Variants in TBC1D2 observed in about 807,000 individuals in gnomAD.
TBC1D2 encodes TBC1 domain family member 2.
In TBC1D2, 58 loss-of-function variants were observed where a neutral mutation model predicts 91.1. The ratio of observed to expected loss-of-function variants is 0.64; its 90% CI spans 0.52 to 0.79. The LOEUF is 0.79. Among genes scored for constraint, TBC1D2 ranks in the 30% least tolerant of loss-of-function variants. The pLI, the probability that TBC1D2 is intolerant of heterozygous loss-of-function variation, is 0.00. For missense variants in TBC1D2, 1,080 were observed against 1,208.3 expected (o/e 0.89, Z 1.57); for synonymous variants, 482 against 511.5 (o/e 0.94, Z 0.78).
In TBC1D2 at chr9:98,199,506, G is replaced by C. The variant is rs754889673; in HGVS notation, c.2662C>G (p.Arg888Gly). The C allele has an allele frequency of 6.2e-7, 1 of 1,614,156 alleles. No homozygotes were observed. Among genetic ancestry groups the C allele is most frequent in the South Asian group, 1.1e-5 (1 of 91,074 alleles). Reference sequence around the variant, plus strand: ...AGCTCCCGCAGCTCAGCCTCCAGCCGCTCCCGGTGGACCATGCGCAGCTGC... The same window carrying C: ...AGCTCCCGCAGCTCAGCCTCCAGCCCCTCCCGGTGGACCATGCGCAGCTGC... ...LRQLRMVHRE[R>G]LEAELRELEQ... is the part of the protein sequence containing the mutation. Residue 888 changes from arginine (R) to glycine (G), a missense_variant, in exon 13 of 13, where the codon CGG becomes GGG. Physicochemically the swap from Arg to Gly is moderately radical, Grantham distance 125. Coordinates refer to ENST00000465784, the MANE Select transcript of TBC1D2 (RefSeq NM_001267571.2).
At chr9:98,219,191 T>A (rs1014004636) in intron 6 of TBC1D2, among the ~76,000 whole-genome samples, 21 of 152,218 alleles carry the variant, frequency 1.4e-4, no homozygotes, top group African/African-American at 4.3e-4. Context: ...CTAACAGCCC[T>A]AGTCAAGAGG....
At chr9:98,254,601 T>C (rs1332478496) in intron 1 of TBC1D2, among the ~76,000 whole-genome samples, 1 of 152,182 alleles carries the variant, frequency 6.6e-6, no homozygotes, top group Non-Finnish European at 1.5e-5. Context: ...AACCTACCCC[T>C]TGCTGCTGAT....
intron 3 of TBC1D2, among the ~76,000 whole-genome samples, chr9:98,241,504 C>G (rs1052843897): frequency 1.3e-5 from 2 of 152,220 alleles, no homozygotes; most frequent in African/African-American, 4.8e-5. Context: ...GGGCACTTCT[C>G]TTGCAAAGTA....
intron 11 of TBC1D2, among the ~76,000 whole-genome samples, chr9:98,200,879 G>A (rs1478949705): frequency 6.6e-6 from 1 of 152,082 alleles, no homozygotes; most frequent in Non-Finnish European, 1.5e-5. Context: ...AGCCAGGTAT[G>A]GTGTTGCATG....
chr9:98,252,746 C>A (rs924535763), intron 1 of TBC1D2, among the ~76,000 whole-genome samples: 1 of 152,104 alleles, frequency 6.6e-6, no homozygotes, highest in Non-Finnish European at 1.5e-5. Flanking sequence ...ATAAAGAAGG[C>A]CTGAGATCAG....
chr9:98,214,049 C>T (rs1039381619), intron 6 of TBC1D2, among the ~76,000 whole-genome samples: 3 of 152,194 alleles, frequency 2.0e-5, no homozygotes, highest in East Asian at 1.9e-4. Flanking sequence ...TTACAGAAGC[C>T]GTTCAGTCAC....
chr9:98,231,593 C>G (rs2119133230), intron 4 of TBC1D2, among the ~76,000 whole-genome samples: 1 of 152,244 alleles, frequency 6.6e-6, no homozygotes, highest in South Asian at 2.1e-4. Flanking sequence ...CAAAACTATA[C>G]TGTTCAATAG....
At chr9:98,231,886 T>A (rs1829378130) in intron 4 of TBC1D2, among the ~76,000 whole-genome samples, 1 of 152,136 alleles carries the variant, frequency 6.6e-6, no homozygotes, top group Non-Finnish European at 1.5e-5. Context: ...AAGAAGCCAG[T>A]CACAGCATGG....
chr9:98,235,453 A>C (rs1371095926), intron 3 of TBC1D2: 29 of 479,134 alleles, frequency 6.1e-5, no homozygotes, highest in Non-Finnish European at 3.3e-5. Flanking sequence ...TGAAAAAATG[A>C]ATGTCTGCTA....
chr9:98,249,978 C>G (rs566407746), intron 2 of TBC1D2, among the ~76,000 whole-genome samples: 2 of 152,216 alleles, frequency 1.3e-5, no homozygotes, highest in Non-Finnish European at 1.5e-5. Flanking sequence ...AAAGTCCCCA[C>G]CCTTAAGGGC....
At chr9:98,210,456 T>C (rs1159063542) in intron 8 of TBC1D2, among the ~76,000 whole-genome samples, 200 bp downstream of exon 8, 2 of 151,946 alleles carry the variant, frequency 1.3e-5, no homozygotes, top group African/African-American at 4.8e-5. Context: ...GTGCCGCAAA[T>C]GTACTATAGG....
At chr9:98,222,433 G>A (rs1227964360) in intron 5 of TBC1D2, among the ~76,000 whole-genome samples, 5 of 152,202 alleles carry the variant, frequency 3.3e-5, no homozygotes. Flanking sequence ...CCCACCAGCC[G>A]ATGCCTGCAA....
chr9:98,244,735 TG>T (rs1158186411), intron 2 of TBC1D2, among the ~76,000 whole-genome samples: 1 of 148,834 alleles, frequency 6.7e-6, no homozygotes, highest in Non-Finnish European at 1.5e-5. Context: ...AAGATGGAAG[TG>T]CAGACAAAAC....
rs141616270 is a variant in TBC1D2 at position 98,227,485 on chromosome 9, G to A, written c.978+1467C>T. On this transcript the variant is annotated intron_variant, in intron 5 of 12. Transcript: ENST00000465784. ...CTAAATGTAACTCCTGGCCAGGCACGGTGGCTCACGCCTGTAATCCCAGCA... is the reference window on the plus strand; with the variant it reads ...CTAAATGTAACTCCTGGCCAGGCACAGTGGCTCACGCCTGTAATCCCAGCA... Among the ~76,000 whole-genome samples the A allele has an allele frequency of 2.4e-3, 372 of 152,234 alleles. 1 individual carries two copies. Among genetic ancestry groups the A allele is most frequent in the African/African-American group, 8.7e-3 (361 of 41,540 alleles).
intron 7 of TBC1D2, among the ~76,000 whole-genome samples, chr9:98,212,536 C>G (rs1019864630): frequency 1.3e-5 from 2 of 150,380 alleles, no homozygotes; most frequent in South Asian, 2.1e-4. Context: ...GAGTCTTGCT[C>G]TGTTGCCCAG....
In TBC1D2 at chr9:98,199,397, A is replaced by G. The variant is rs1205365629; in HGVS notation, c.2771T>C (p.Val924Ala). 1.2e-6 allele frequency: 2 copies of G among 1,613,054 alleles called. No individual in the cohort carries two copies. Among genetic ancestry groups the G allele is most frequent in the Non-Finnish European group, 8.5e-7 (1 of 1,179,930 alleles). The change falls in exon 13 of 13, where the codon GTG becomes GCG. Residue 924 changes from valine to alanine, a missense_variant. Coordinates refer to ENST00000465784, the MANE Select transcript of TBC1D2 (RefSeq NM_001267571.2). The stretch of plus-strand genomic sequence containing the variant: ...GTGGCCAAGTCAGGCTTCCCCCTCC[A>G]CCTCGTCCTCGCTGGCACAGCCCTC... ...VSEGCASEDE[V>A]EGEA
chr9:98,201,681 G>C lies in TBC1D2; in HGVS notation c.2272-17C>G. On this transcript the variant is annotated splice_polypyrimidine_tract_variant and intron_variant, in intron 10 of 12. Transcript: ENST00000465784. Reference sequence around the variant, plus strand: ...CTGGTCCACCTGGAAGCCAGCGAGAGGGCCTGTCATCTGCAGCCCCAGCGT... The same window carrying C: ...CTGGTCCACCTGGAAGCCAGCGAGACGGCCTGTCATCTGCAGCCCCAGCGT... The C allele has an allele frequency of 1.2e-6, 2 of 1,602,572 alleles. No individual in the cohort carries two copies. The highest frequency in any genetic ancestry group is 8.5e-7 in the Non-Finnish European group (1 of 1,174,020).
At chr9:98,218,848 A>G (rs1829030784) in intron 6 of TBC1D2, among the ~76,000 whole-genome samples, 1 of 152,136 alleles carries the variant, frequency 6.6e-6, no homozygotes, top group African/African-American at 2.4e-5. Flanking sequence ...GCGCCACCAC[A>G]AATCTTTCTG....
At chr9:98,210,571 A>G (rs1194872673) in intron 8 of TBC1D2, 85 bp downstream of exon 8, 10 of 1,339,554 alleles carry the variant, frequency 7.5e-6, no homozygotes, top group Non-Finnish European at 1.0e-5. Context: ...GGACTTGTAC[A>G]TGGTTGGCAG....
Sources: gnomAD v4.1 joint callset for allele counts (sites outside exome capture counted in the v4.1 genomes callset) on GRCh38, gnomAD v4.1.1 for gene constraint, MANE v1.5 for transcripts, NCBI Gene and HGNC (gene_info 2026-07-23, HGNC 2026-07-21) for gene names.